Variants in BORA observed in about 807,000 individuals in gnomAD.
BORA encodes the protein protein aurora borealis.
A neutral mutation model predicts 55.8 loss-of-function variants in BORA; 26 were observed. The ratio of observed to expected loss-of-function variants is 0.47; its 90% confidence interval spans 0.34 to 0.65. The LOEUF (loss-of-function observed/expected upper bound fraction) is 0.65. BORA is among the 30% of genes least tolerant of loss of function. The probability of loss-of-function intolerance (pLI) is 0.01; values close to 1 mark genes in which losing one functional copy is unlikely to be tolerated. For missense variants in BORA, 568 were observed against 671.5 expected (o/e 0.85, Z 1.70); for synonymous variants, 201 against 216.9 (o/e 0.93, Z 0.64).
At chr13:72,744,639 A>G (rs982856836) in intron 7 of BORA, 78 bp downstream of exon 7, 21 of 1,089,614 alleles carry the variant, frequency 1.9e-5, no homozygotes, top group Non-Finnish European at 2.7e-5. Context: ...AAATGGTAAC[A>G]TGGGAAATAT....
At chr13:72,746,361 T>C in intron 9 of BORA, 140 bp from the exon 10 acceptor site, 1 of 1,049,122 alleles carries the variant, frequency 9.5e-7, no homozygotes, top group Non-Finnish European at 1.4e-6. Context: ...GTTTTTGACA[T>C]CACAATTTCA....
intron 5 of BORA, among the ~76,000 whole-genome samples, chr13:72,743,165 T>C (rs972138962): frequency 6.6e-6 from 1 of 152,190 alleles, no homozygotes; most frequent in African/African-American, 2.4e-5. Context: ...TTTTAAATGT[T>C]CCCACCACAA....
At position 72,743,587 on chromosome 13, in the gene BORA, T is replaced by G. The variant is rs925818965; in HGVS notation, c.439T>G (p.Ser147Ala). The G allele has an allele frequency of 6.2e-7, 1 of 1,607,192 alleles. No homozygotes were observed. Among genetic ancestry groups the G allele is most frequent in the Middle Eastern group, 1.7e-4 (1 of 6,046 alleles). The change falls in exon 6 of 12, where the codon TCT (serine) becomes GCT (alanine). Residue 147 changes from serine to alanine, a missense_variant. Physicochemically the swap from Ser to Ala is moderately conservative, Grantham distance 99. Transcript: ENST00000390667. ...AGTTGGAAAAAAGCTGACCATTCAT[T>G]CTGAGAAAAGCGATGGTGAGTATGA... is the stretch of plus-strand genomic sequence containing the variant. ...SPVGKKLTIH[S>A]EKSDAACQTL...
In BORA at chr13:72,746,578, A is replaced by G; in HGVS notation, c.949A>G (p.Arg317Gly). ...TAATGGGATAACTAATCCGTGTATC[A>G]GAAGTCCTTATATAGATGGCTGCTC... Reference protein sequence around the residue: ...NSNGITNPCIRSPYIDGCSPI... With the variant: ...NSNGITNPCIGSPYIDGCSPI... Residue 317 changes from arginine (R) to glycine (G), a missense_variant, in exon 10 of 12, where the codon AGA (arginine) becomes GGA (glycine). By Grantham distance (125) the Arg-to-Gly change is moderately radical. Coordinates refer to ENST00000390667, the MANE Select transcript of BORA (RefSeq NM_024808.5). 6.2e-7 allele frequency: 1 copy of G among 1,614,084 alleles called. No individual in the cohort carries two copies. Among genetic ancestry groups the G allele is most frequent in the African/African-American group, 1.3e-5 (1 of 75,058 alleles).
Position 72,745,120 on chromosome 13 carries a change from C to T in BORA, c.651C>T (p.His217=). The part of the protein sequence containing the change: ...SLPSASPGSP[H]SGVQTSLEMF... Reference sequence around the variant, plus strand: ...CTTCGGCTTCTCCCGGAAGTCCTCACAGTGGTGTTCAAACATCACTAGAGA... The same window carrying T: ...CTTCGGCTTCTCCCGGAAGTCCTCATAGTGGTGTTCAAACATCACTAGAGA... The change falls in exon 8 of 12, where the codon CAC becomes CAT. Residue 217 remains histidine, a synonymous_variant. Transcript: ENST00000390667. The T allele has an allele frequency of 6.2e-7, 1 of 1,614,152 alleles. No homozygotes were observed. Among genetic ancestry groups the T allele is most frequent in the Non-Finnish European group, 8.5e-7 (1 of 1,179,984 alleles).
intron 10 of BORA, chr13:72,753,092 A>G (rs1593823248): frequency 6.6e-6 from 1 of 152,246 alleles, no homozygotes; most frequent in Admixed American, 6.5e-5. Context: ...TATTAAATAT[A>G]TAGAGATAGT....
intron 10 of BORA, among the ~76,000 whole-genome samples, chr13:72,751,853 T>C (rs190824882): frequency 3.3e-5 from 5 of 152,314 alleles, no homozygotes; most frequent in Non-Finnish European, 5.9e-5. Context: ...TAAATATGTG[T>C]AATTGTGTGT....
Position 72,739,482 on chromosome 13 carries a change from C to A in BORA, c.388+1439C>A, listed in dbSNP as rs138250728. ...CACACCTTTCATGAAGTGGCATGGA[C>A]AAGTTCTGTTCCAAACTATCTTTTC... is the stretch of plus-strand genomic sequence containing the variant. On this transcript the variant is annotated intron_variant, in intron 5 of 11. Coordinates refer to ENST00000390667, the MANE Select transcript of BORA (RefSeq NM_024808.5). Among the ~76,000 whole-genome samples, 27 of 152,272 alleles carry A rather than the reference C, an allele frequency of 1.8e-4. No individual in the cohort carries two copies. In the East Asian group the frequency reaches 4.8e-3, roughly 27 times the overall value.
intron 5 of BORA, among the ~76,000 whole-genome samples, chr13:72,739,787 T>C (rs1004360452): frequency 6.6e-6 from 1 of 152,148 alleles, no homozygotes; most frequent in Non-Finnish European, 1.5e-5. Context: ...ATAAAAATTT[T>C]ATTACTTACA....
chr13:72,745,251 C>T (rs748891165), intron 8 of BORA, 44 bp downstream of exon 8: 1 of 1,495,198 alleles, frequency 6.7e-7, no homozygotes, highest in Non-Finnish European at 9.3e-7. Flanking sequence ...TGCTGTCAAG[C>T]TTGAACCCAC....
chr13:72,749,750 G>A (rs1176251446), intron 10 of BORA, among the ~76,000 whole-genome samples: 1 of 151,852 alleles, frequency 6.6e-6, no homozygotes, highest in East Asian at 1.9e-4. Flanking sequence ...TTGTTACAGG[G>A]CCTTTTTGCA....
In BORA at chr13:72,729,186, G is replaced by A. The variant is rs964929562; in HGVS notation, c.153+93G>A. ...TAAACATCTGTCTTTACAAGGTAAG[G>A]AGGAAATACATTATGGAGCATATAT... On this transcript the variant is annotated intron_variant, in intron 2 of 11. Coordinates refer to ENST00000390667, the MANE Select transcript of BORA (RefSeq NM_024808.5). 5 of 1,101,862 alleles carry A rather than the reference G, an allele frequency of 4.5e-6. No individual in the cohort carries two copies. The African/African-American group carries it at 8.1e-5, about 18-fold the overall frequency. 68.3% of individuals were successfully genotyped at this position (1,101,862 alleles called of 1,614,324 possible).
chr13:72,744,323 T>C (rs983690722), intron 6 of BORA, among the ~76,000 whole-genome samples, 182 bp from the exon 7 acceptor site: 1 of 152,080 alleles, frequency 6.6e-6, no homozygotes, highest in Non-Finnish European at 1.5e-5. Context: ...TTGCGGAGAG[T>C]GTGGGAAACC....
At chr13:72,732,354 A>G (rs1016240749) in intron 3 of BORA, among the ~76,000 whole-genome samples, 1 of 152,216 alleles carries the variant, frequency 6.6e-6, no homozygotes, top group Non-Finnish European at 1.5e-5. Context: ...AGGATGAAGC[A>G]TGAAAGGATT....
At chr13:72,733,397 A>G (rs969266635) in intron 3 of BORA, among the ~76,000 whole-genome samples, 5 of 152,144 alleles carry the variant, frequency 3.3e-5, no homozygotes, top group Non-Finnish European at 5.9e-5. Flanking sequence ...CTATACCTAT[A>G]TGCATCATAC....
At chr13:72,732,305 A>C (rs1296357984) in intron 3 of BORA, among the ~76,000 whole-genome samples, 2 of 152,166 alleles carry the variant, frequency 1.3e-5, no homozygotes, top group Non-Finnish European at 2.9e-5. Flanking sequence ...TCATAAAATT[A>C]ATGTCCACCC....
At chr13:72,743,741 T>G (rs1380414302) in intron 6 of BORA, 139 bp downstream of exon 6, 1 of 648,340 alleles carries the variant, frequency 1.5e-6, no homozygotes, top group Admixed American at 3.7e-5. Context: ...TTTGTTTTTT[T>G]GAGACAGGGT....
chr13:72,745,814 G>A, intron 8 of BORA, 130 bp from the exon 9 acceptor site: 1 of 660,940 alleles, frequency 1.5e-6, no homozygotes, highest in Non-Finnish European at 2.4e-6. Context: ...GTTGCAAGGT[G>A]TCTTTTGGTG....
chr13:72,751,477 G>A (rs1374270578), intron 10 of BORA, among the ~76,000 whole-genome samples: 1 of 152,158 alleles, frequency 6.6e-6, no homozygotes, highest in Non-Finnish European at 1.5e-5. Flanking sequence ...AGGACATTAA[G>A]TGAAATAAGC....
Sources: allele counts gnomAD v4.1 joint callset (sites outside exome capture counted in the v4.1 genomes callset), GRCh38; gene constraint gnomAD v4.1.1; transcripts MANE v1.5; gene names NCBI Gene and HGNC (gene_info 2026-07-23, HGNC 2026-07-21).